The following GMDS variants were observed in gnomAD, a reference collection of about 807,000 sequenced individuals.
GMDS encodes GDP-mannose 4,6-dehydratase, also known as GDP-mannose 4,6 dehydratase.
In GMDS, 20 loss-of-function variants were observed where a neutral mutation model predicts 49.9. The observed-to-expected ratio is 0.40, with a 90% CI of 0.28 to 0.58. The LOEUF is 0.58. GMDS is among the 20% of genes least tolerant of loss of function. The pLI, the probability that GMDS is intolerant of heterozygous loss-of-function variation, is 0.42. For synonymous variants in GMDS, 177 were observed against 178.6 expected (o/e 0.99, Z 0.07); for missense variants, 362 against 481.4 (o/e 0.75, Z 2.32).
intron 7 of GMDS, among the ~76,000 whole-genome samples, chr6:1,825,219 C>T (rs1393916296): frequency 6.6e-6 from 1 of 152,168 alleles, no homozygotes; most frequent in African/African-American, 2.4e-5. Context: ...TCGCTGATGA[C>T]GTTTAACTTG....
chr6:2,192,526 T>G (rs571802531), intron 1 of GMDS, among the ~76,000 whole-genome samples: 23 of 152,330 alleles, frequency 1.5e-4, no homozygotes, highest in African/African-American at 4.8e-4. Flanking sequence ...AGCCCTGACC[T>G]GGGAGCTCCC....
At chr6:1,922,988 G>A (rs759965005) in intron 7 of GMDS, among the ~76,000 whole-genome samples, 1 of 152,164 alleles carries the variant, frequency 6.6e-6, no homozygotes, top group Non-Finnish European at 1.5e-5. Context: ...ATGGTAGTAA[G>A]TCTCACAAGA....
intron 1 of GMDS, among the ~76,000 whole-genome samples, chr6:2,176,162 T>C (rs569558746): frequency 2.8e-4 from 42 of 152,322 alleles, no homozygotes; most frequent in Non-Finnish European, 5.4e-4. Flanking sequence ...CTTTTGCTGA[T>C]TGACAAATAG....
intron 9 of GMDS, among the ~76,000 whole-genome samples, chr6:1,664,684 G>C (rs1295239580): frequency 1.3e-5 from 2 of 152,194 alleles, no homozygotes; most frequent in Non-Finnish European, 2.9e-5. Context: ...ACTATTCCCT[G>C]ATCAGCCACA....
chr6:1,983,010 G>A (rs953276123), intron 4 of GMDS, among the ~76,000 whole-genome samples: 10 of 152,112 alleles, frequency 6.6e-5, no homozygotes, highest in South Asian at 6.2e-4. Flanking sequence ...AAAACAGCAT[G>A]GTACTGGTAT....
chr6:2,064,524 G>A (rs954686609), intron 4 of GMDS, among the ~76,000 whole-genome samples: 2 of 152,108 alleles, frequency 1.3e-5, no homozygotes, highest in Non-Finnish European at 2.9e-5. Flanking sequence ...GTGTCCATGT[G>A]AAGGGAAAAC....
chr6:1,677,728 T>G (rs1430046185), intron 9 of GMDS, among the ~76,000 whole-genome samples: 1 of 140,098 alleles, frequency 7.1e-6, no homozygotes, highest in African/African-American at 2.7e-5. Context: ...TTCTCACTCA[T>G]AGGTGGGAAT....
chr6:1,973,002 G>A (rs552994828), intron 4 of GMDS, among the ~76,000 whole-genome samples: 14 of 152,184 alleles, frequency 9.2e-5, no homozygotes, highest in Non-Finnish European at 1.3e-4. Context: ...AACGTCCCCT[G>A]TAAATCAAGT....
chr6:1,750,661 G>A (rs1007668525), intron 7 of GMDS, among the ~76,000 whole-genome samples: 9 of 152,048 alleles, frequency 5.9e-5, no homozygotes, highest in African/African-American at 1.2e-4. Flanking sequence ...GGCAGACACC[G>A]AGCTAGCTGC....
chr6:1,878,525 T>C (rs1581294357), intron 7 of GMDS, among the ~76,000 whole-genome samples: 1 of 151,922 alleles, frequency 6.6e-6, no homozygotes, highest in Non-Finnish European at 1.5e-5. Flanking sequence ...ATCACAGACA[T>C]GCGACATTCA....
intron 9 of GMDS, among the ~76,000 whole-genome samples, chr6:1,719,008 C>A (rs1766272340): frequency 6.6e-6 from 1 of 152,016 alleles, no homozygotes; most frequent in Non-Finnish European, 1.5e-5. Context: ...CTGATTTACT[C>A]AGGAAACTAG....
At chr6:2,123,558 C>T (rs918288966) in intron 2 of GMDS, among the ~76,000 whole-genome samples, 4 of 152,198 alleles carry the variant, frequency 2.6e-5, no homozygotes, top group African/African-American at 7.2e-5. Context: ...GATATTAAGG[C>T]GTTAGGTTAA....
chr6:2,213,897 C>T (rs141620575), intron 1 of GMDS, among the ~76,000 whole-genome samples: 5 of 152,314 alleles, frequency 3.3e-5, no homozygotes, highest in South Asian at 2.1e-4. Flanking sequence ...TTAGCAGCAA[C>T]GTCAAGATGA....
intron 5 of GMDS, 74 bp downstream of exon 5, chr6:1,960,699 GA>G: frequency 7.3e-6 from 7 of 961,242 alleles, no homozygotes; most frequent in Non-Finnish European, 1.1e-5. Flanking sequence ...TGAACAGAAT[GA>G]AAGGAAAAAC....
At chr6:2,175,343 A>G (rs1425704445) in intron 1 of GMDS, among the ~76,000 whole-genome samples, 1 of 152,216 alleles carries the variant, frequency 6.6e-6, no homozygotes, top group African/African-American at 2.4e-5. Flanking sequence ...TCTAAAGAAT[A>G]ACAAAAATAT....
intron 9 of GMDS, among the ~76,000 whole-genome samples, chr6:1,667,148 G>A (rs914209634): frequency 2.0e-5 from 3 of 152,212 alleles, no homozygotes; most frequent in African/African-American, 7.2e-5. Context: ...TTCTATAGAA[G>A]AAGCAGGTCT....
At chr6:2,202,623 AG>A (rs1182743903) in intron 1 of GMDS, among the ~76,000 whole-genome samples, 1 of 152,122 alleles carries the variant, frequency 6.6e-6, no homozygotes, top group Non-Finnish European at 1.5e-5. Context: ...CAGTCACGGT[AG>A]CTCATAGGCT....
chr6:1,990,637 C>T (rs1765875180), intron 4 of GMDS, among the ~76,000 whole-genome samples: 1 of 152,142 alleles, frequency 6.6e-6, no homozygotes, highest in Non-Finnish European at 1.5e-5. Context: ...TGCAGTGACA[C>T]AACCTCGGCT....
At chr6:1,953,270 C>A (rs1763453940) in intron 6 of GMDS, among the ~76,000 whole-genome samples, 1 of 152,016 alleles carries the variant, frequency 6.6e-6, no homozygotes, top group African/African-American at 2.4e-5. Flanking sequence ...TGTAGGAAAT[C>A]AAAGCGGCTA....
Sources: gnomAD v4.1 joint callset for allele counts (sites outside exome capture counted in the v4.1 genomes callset) on GRCh38, gnomAD v4.1.1 for gene constraint, MANE v1.5 for transcripts, NCBI Gene and HGNC (gene_info 2026-07-23, HGNC 2026-07-21) for gene names.